The following DPYD variants were observed in gnomAD, a reference collection of about 807,000 sequenced individuals.
The protein encoded by DPYD is dihydropyrimidine dehydrogenase [NADP(+)].
Under a neutral mutation model 116.2 loss-of-function variants are expected in DPYD, and 109 were observed. The observed-to-expected ratio is 0.94, with a 90% CI of 0.80 to 1.10. The LOEUF (loss-of-function observed/expected upper bound fraction) is 1.10. DPYD is among the 50% of genes least tolerant of loss of function. DPYD has a pLI of 0.00. For missense variants in DPYD, 1,302 were observed against 1,254.5 expected, an observed-to-expected ratio of 1.04 and a Z score of -0.57; for synonymous variants, 440 against 432.0, an observed-to-expected ratio of 1.02 and a Z score of -0.23.
At chr1:97,251,785 G>T (rs1043193006) in intron 18 of DPYD, among the ~76,000 whole-genome samples, 3 of 152,076 alleles carry the variant, frequency 2.0e-5, no homozygotes, top group Non-Finnish European at 2.9e-5. Context: ...CGTAACTCTT[G>T]AATTAGCCAG....
At chr1:97,164,123 T>C (rs1656128512) in intron 20 of DPYD, among the ~76,000 whole-genome samples, 1 of 152,180 alleles carries the variant, frequency 6.6e-6, no homozygotes, top group Admixed American at 6.5e-5. Context: ...TGTTTCAACA[T>C]ATGTAAATCA....
intron 21 of DPYD, among the ~76,000 whole-genome samples, chr1:97,096,808 T>TG (rs1337630560): frequency 1.3e-5 from 2 of 152,122 alleles, no homozygotes; most frequent in African/African-American, 4.8e-5. Flanking sequence ...GGCAACCTGC[T>TG]GGGGTCCCTT....
intron 18 of DPYD, among the ~76,000 whole-genome samples, chr1:97,240,908 A>C (rs1662295680): frequency 6.6e-6 from 1 of 152,056 alleles, no homozygotes; most frequent in South Asian, 2.1e-4. Context: ...CACATGGATT[A>C]GGGTCCTCTG....
chr1:97,245,140 G>A lies in DPYD; in HGVS notation c.2300-10146C>T, dbSNP rs116109764. Among the ~76,000 whole-genome samples, 1,452 of 152,102 alleles carry A rather than the reference G, an allele frequency of 9.5e-3. 30 individuals are homozygous for A. Among genetic ancestry groups the A allele is most frequent in the African/African-American group, 0.033 (1,367 of 41,518 alleles). ...ATTCACTCGTTATTTATATCCTCACGACATCATTACAAGTCACATATACAT... is the reference window on the plus strand; with the variant it reads ...ATTCACTCGTTATTTATATCCTCACAACATCATTACAAGTCACATATACAT... On this transcript the variant is annotated intron_variant, in intron 18 of 22. Coordinates refer to ENST00000370192, the MANE Select transcript of DPYD (RefSeq NM_000110.4).
chr1:97,540,402 A>G (rs1055634759), intron 12 of DPYD, among the ~76,000 whole-genome samples: 13 of 151,656 alleles, frequency 8.6e-5, no homozygotes, highest in Non-Finnish European at 1.9e-4. Context: ...CAAAAACCAA[A>G]CTTTTACTAG....
chr1:97,340,765 A>G (rs1669551077), intron 16 of DPYD, among the ~76,000 whole-genome samples: 1 of 152,226 alleles, frequency 6.6e-6, no homozygotes, highest in Non-Finnish European at 1.5e-5. Flanking sequence ...GAAAACAGTA[A>G]ATACGTAGAT....
At chr1:97,445,882 T>C (rs1024063002) in intron 14 of DPYD, among the ~76,000 whole-genome samples, 2 of 151,960 alleles carry the variant, frequency 1.3e-5, no homozygotes, top group African/African-American at 4.8e-5. Flanking sequence ...CCTGCCACCA[T>C]GCCTGACTAA....
chr1:97,216,966 G>C (rs1043352985), intron 19 of DPYD, among the ~76,000 whole-genome samples: 6 of 152,042 alleles, frequency 3.9e-5, no homozygotes, highest in African/African-American at 1.4e-4. Context: ...CCAGCACTTT[G>C]GGAGGCCGAG....
At chr1:97,195,164 T>C (rs910438891) in intron 19 of DPYD, among the ~76,000 whole-genome samples, 36 of 152,122 alleles carry the variant, frequency 2.4e-4, no homozygotes, top group Admixed American at 2.3e-3. Flanking sequence ...TCCCAATTTA[T>C]ATTTCAACTT....
intron 2 of DPYD, among the ~76,000 whole-genome samples, chr1:97,872,637 T>C (rs1571506885): frequency 6.6e-6 from 1 of 152,066 alleles, no homozygotes; most frequent in East Asian, 1.9e-4. Flanking sequence ...AAAAACATAC[T>C]TTTAAAGAGG....
rs775930761 is a variant in DPYD, at chr1:97,549,560, C to T, written c.1524G>A (p.Gln508=). 5.6e-5 allele frequency: 90 copies of T among 1,613,604 alleles called. No individual in the cohort carries two copies. The highest frequency in any genetic ancestry group is 6.7e-5 in the Non-Finnish European group (79 of 1,179,762). The part of the protein sequence containing the change: ...QASWYIHKYV[Q]SQYGASVSAK... ...AGTGGAAATGATGGCAAATGCCTAC[C>T]TGTACGTATTTGTGAATGTACCAAG... The change falls in exon 12 of 23, where the codon CAG becomes CAA. Residue 508 remains glutamine, a splice_region_variant and synonymous_variant. Transcript: ENST00000370192.
intron 20 of DPYD, among the ~76,000 whole-genome samples, chr1:97,149,611 C>T (rs867912334): frequency 1.1e-4 from 16 of 152,136 alleles, no homozygotes; most frequent in South Asian, 2.1e-4. Flanking sequence ...TCTTGCAACT[C>T]GATTTCTATA....
Position 97,330,097 on chromosome 1 carries a change from C to G in DPYD, c.2059-23800G>C, listed in dbSNP as rs1021803784. 2.0e-5 allele frequency among the ~76,000 whole-genome samples: 3 copies of G among 151,872 alleles called. No homozygotes were observed. The South Asian group carries it at 6.3e-4, about 32-fold the overall frequency. Reference sequence around the variant, plus strand: ...ACATTTTACTTATATTTCTTAATTCCTAATTAGATAGTGAACAACTGTTTG... The same window carrying G: ...ACATTTTACTTATATTTCTTAATTCGTAATTAGATAGTGAACAACTGTTTG... On this transcript the variant is annotated intron_variant, in intron 16 of 22. Transcript: ENST00000370192.
chr1:97,572,075 T>C (rs1378124959), intron 11 of DPYD, among the ~76,000 whole-genome samples: 1 of 151,944 alleles, frequency 6.6e-6, no homozygotes, highest in South Asian at 2.1e-4. Context: ...AGTTTATTAT[T>C]TCAAACCAGA....
At chr1:97,341,690 C>T (rs1669595410) in intron 16 of DPYD, among the ~76,000 whole-genome samples, 1 of 152,166 alleles carries the variant, frequency 6.6e-6, no homozygotes, top group African/African-American at 2.4e-5. Flanking sequence ...AGCTGACTTT[C>T]TGGTCAGCCA....
chr1:97,145,047 G>T (rs1340961428), intron 20 of DPYD, among the ~76,000 whole-genome samples: 1 of 151,974 alleles, frequency 6.6e-6, no homozygotes, highest in African/African-American at 2.4e-5. Flanking sequence ...AGGAGAAGAT[G>T]TCAAAAAAAA....
chr1:97,822,812 G>C (rs1375846458), intron 3 of DPYD, among the ~76,000 whole-genome samples: 5 of 152,148 alleles, frequency 3.3e-5, no homozygotes, highest in Non-Finnish European at 7.4e-5. Context: ...AGAGATTGGT[G>C]TATTTTTTGT....
At chr1:97,086,238 G>A (rs972321899) in intron 21 of DPYD, among the ~76,000 whole-genome samples, 1 of 152,076 alleles carries the variant, frequency 6.6e-6, no homozygotes, top group Non-Finnish European at 1.5e-5. Context: ...ATTTTTAGTA[G>A]AGCCGGGTTT....
At chr1:97,726,093 T>C (rs1471893400) in intron 4 of DPYD, among the ~76,000 whole-genome samples, 3 of 151,630 alleles carry the variant, frequency 2.0e-5, no homozygotes, top group Admixed American at 1.3e-4. Context: ...TATACAAAAC[T>C]AGGCAATGAC....
Sources: gnomAD v4.1 joint callset for allele counts (sites outside exome capture counted in the v4.1 genomes callset) on GRCh38, gnomAD v4.1.1 for gene constraint, MANE v1.5 for transcripts, NCBI Gene and HGNC (gene_info 2026-07-23, HGNC 2026-07-21) for gene names.